The following PFN1 variants were observed in gnomAD, a reference collection of about 807,000 sequenced individuals.
PFN1 encodes profilin-1.
PFN1 carries 2 observed loss-of-function variants against 11.7 expected under a neutral mutation model. The observed-to-expected ratio is 0.17, with a 90% CI of 0.07 to 0.54. The LOEUF is 0.54. Among genes scored for constraint, PFN1 ranks in the 20% least tolerant of loss-of-function variants. The probability of loss-of-function intolerance (pLI) is 0.94; values close to 1 mark genes in which losing one functional copy is unlikely to be tolerated. For synonymous variants in PFN1, 78 were observed against 76.2 expected, an observed-to-expected ratio of 1.02 and a Z score of -0.12; for missense variants, 97 against 188.4, an observed-to-expected ratio of 0.51 and a Z score of 2.84.
Position 4,945,652 on chromosome 17 carries a change from T to C in PFN1, c.*248A>G. ...ACCCAAGCTCAAATCACACAGCACC[T>C]TGTTAGTAGAATCTTTTTTATTCAG... is the stretch of plus-strand genomic sequence containing the variant. On this transcript the variant is annotated 3_prime_UTR_variant, in exon 3 of 3. Transcript: ENST00000225655. 2.5e-6 allele frequency: 1 copy of C among 392,966 alleles called. No homozygotes were observed. The highest frequency in any genetic ancestry group is 4.7e-6 in the Non-Finnish European group (1 of 214,772). 24.3% of individuals were successfully genotyped at this position (392,966 alleles called of 1,614,324 possible).
intron 2 of PFN1, 90 bp downstream of exon 2, chr17:4,946,538 G>A (rs1203864540): frequency 1.0e-6 from 1 of 984,538 alleles, no homozygotes; most frequent in African/African-American, 1.6e-5. Context: ...TCATGTTGGG[G>A]AATCACACAA....
chr17:4,947,846 A>G (rs1370813384), intron 1 of PFN1, among the ~76,000 whole-genome samples: 1 of 152,092 alleles, frequency 6.6e-6, no homozygotes, highest in Non-Finnish European at 1.5e-5. Context: ...AGGAGAAACA[A>G]TGGTAGAGGG....
chr17:4,946,226 G>C (rs78068573), intron 2 of PFN1, among the ~76,000 whole-genome samples: 1 of 151,932 alleles, frequency 6.6e-6, no homozygotes, highest in African/African-American at 2.4e-5. Flanking sequence ...AAAAACTTAG[G>C]GGTCAAAGGC....
rs565692021 is a variant in PFN1, at chr17:4,945,849, G to C, written c.*51C>G. On this transcript the variant is annotated 3_prime_UTR_variant, in exon 3 of 3. Transcript: ENST00000225655. Reference sequence around the variant, plus strand: ...AAATGGTTTGTGTGTGTATGGGGAGGAAAGGGGTGCAAAGCTGTGGGGAGC... The same window carrying C: ...AAATGGTTTGTGTGTGTATGGGGAGCAAAGGGGTGCAAAGCTGTGGGGAGC... 2.5e-6 allele frequency: 3 copies of C among 1,190,156 alleles called. No homozygotes were observed. In the South Asian group the frequency reaches 3.6e-5, roughly 14 times the overall value. The allele number at this position is 1,190,156 out of a possible 1,614,324, so 73.7% of individuals were successfully genotyped here. A position where few individuals can be genotyped will look rare whatever the true frequency, so the allele number is the denominator to read the frequency against.
intron 2 of PFN1, among the ~76,000 whole-genome samples, chr17:4,946,246 G>A (rs1971389807): frequency 6.6e-6 from 1 of 152,138 alleles, no homozygotes; most frequent in East Asian, 1.9e-4. Context: ...CTCATAGACT[G>A]TTGATTCATG....
intron 1 of PFN1, among the ~76,000 whole-genome samples, chr17:4,947,667 A>AGGGCGAG (rs1406252909): frequency 6.6e-6 from 1 of 152,106 alleles, no homozygotes; most frequent in African/African-American, 2.4e-5. Flanking sequence ...GCGGGAAGGG[A>AGGGCGAG]GGGCGAGGGG....
At position 4,948,403 on chromosome 17, in the gene PFN1, T is replaced by C. The variant is rs1328730796; in HGVS notation, c.-9A>G. 2 of 1,597,904 alleles carry C rather than the reference T, an allele frequency of 1.3e-6. No homozygotes were observed. Among genetic ancestry groups the C allele is most frequent in the African/African-American group, 2.7e-5 (2 of 73,190 alleles). On this transcript the variant is annotated 5_prime_UTR_variant, in exon 1 of 3. Coordinates refer to ENST00000225655, the MANE Select transcript of PFN1 (RefSeq NM_005022.4). ...GCGTTCCACCCGGCCATGGCGCTGCTACTGGGGCTGCTCTCGGCGCTGCTG... is the reference window on the plus strand; with the variant it reads ...GCGTTCCACCCGGCCATGGCGCTGCCACTGGGGCTGCTCTCGGCGCTGCTG...
At position 4,945,698 on chromosome 17, in the gene PFN1, CAA is replaced by C. The variant is rs992891665; in HGVS notation, c.*200_*201del. 13 of 461,138 alleles carry C rather than the reference CAA, an allele frequency of 2.8e-5. No homozygotes were observed. The highest frequency in any genetic ancestry group is 1.2e-4 in the South Asian group (3 of 24,720). The allele number at this position is 461,138 out of a possible 1,614,324, so 28.6% of individuals were successfully genotyped here. ...TTCAGAAAAAAAAAACCCCAAAAAA[CAA>C]AAGTTTTCCAACCACACACGGGAGG... On this transcript the variant is annotated 3_prime_UTR_variant, in exon 3 of 3. Transcript: ENST00000225655.
At chr17:4,948,225 C>G (rs768871076) in intron 1 of PFN1, 38 bp downstream of exon 1, 2 of 1,412,486 alleles carry the variant, frequency 1.4e-6, no homozygotes, top group Non-Finnish European at 9.7e-7. Context: ...AGGGTCCAAA[C>G]CGGAGCAGTG....
chr17:4,948,522 G>C lies in PFN1; in HGVS notation c.-128C>G. On this transcript the variant is annotated 5_prime_UTR_variant, in exon 1 of 3. Coordinates refer to ENST00000225655, the MANE Select transcript of PFN1 (RefSeq NM_005022.4). ...GCGCTGCCGTCCGGACCGCGGCTCC[G>C]CTCGCTGTGCAGCAGCCCTCGCACC... is the stretch of plus-strand genomic sequence containing the variant. 1 of 1,058,700 alleles carries C rather than the reference G, an allele frequency of 9.4e-7. No homozygotes were observed. The highest frequency in any genetic ancestry group is 1.3e-6 in the Non-Finnish European group (1 of 783,980). The allele number at this position is 1,058,700 out of a possible 1,614,324, so 65.6% of individuals were successfully genotyped here.
Position 4,946,812 on chromosome 17 carries a change from C to T in PFN1, c.141G>A (p.Glu47=). The T allele has an allele frequency of 6.2e-7, 1 of 1,611,680 alleles. No homozygotes were observed. Among genetic ancestry groups the T allele is most frequent in the East Asian group, 2.2e-5 (1 of 44,876 alleles). ...GKTFVNITPA[E]VGVLVGKDRS... is the part of the protein sequence containing the mutation. ...GGTCTTTGCCAACCAGGACACCCAC[C>T]TCAGCTGGCTGGAAGAGGAACCAAG... Residue 47 remains glutamate (E), a synonymous_variant, in exon 2 of 3, where the codon GAG becomes GAA. Transcript: ENST00000225655.
rs1375646988 is a variant in PFN1 at position 4,948,505 on chromosome 17, G to C, written c.-111C>G. The C allele has an allele frequency of 8.1e-7, 1 of 1,241,272 alleles. No homozygotes were observed. Among genetic ancestry groups the C allele is most frequent in the East Asian group, 3.1e-5 (1 of 32,756 alleles). The allele number at this position is 1,241,272 out of a possible 1,614,324, so 76.9% of individuals were successfully genotyped here. On this transcript the variant is annotated 5_prime_UTR_variant, in exon 1 of 3. Transcript: ENST00000225655. The stretch of plus-strand genomic sequence containing the variant: ...CGGAGAGCTCGGGGCACGCGCTGCC[G>C]TCCGGACCGCGGCTCCGCTCGCTGT...
chr17:4,947,413 C>A (rs1159246598), intron 1 of PFN1: 8 of 152,060 alleles, frequency 5.3e-5, no homozygotes, highest in Admixed American at 5.2e-4. Flanking sequence ...CAGGCCAGCT[C>A]TCGGGTCTAG....
At chr17:4,948,089 C>T in intron 1 of PFN1, 174 bp downstream of exon 1, 1 of 669,118 alleles carries the variant, frequency 1.5e-6, no homozygotes, top group African/African-American at 1.9e-5. Flanking sequence ...GGCATAGGAC[C>T]TACGGGCAAC....
intron 1 of PFN1, chr17:4,947,340 G>C (rs903806484): frequency 1.3e-5 from 2 of 152,262 alleles, no homozygotes; most frequent in African/African-American, 4.8e-5. Context: ...TGAGGAAGCA[G>C]ACCCCTGGGG....
At chr17:4,948,022 A>C in intron 1 of PFN1, 9 of 405,436 alleles carry the variant, frequency 2.2e-5, no homozygotes, top group East Asian at 1.3e-4. Flanking sequence ...TGTGCCCCGG[A>C]TGTAACGCCC....
rs775818152 is a variant in PFN1 at position 4,945,677 on chromosome 17, G to GA, written c.*222dup. Reference sequence around the variant, plus strand: ...TTGTTAGTAGAATCTTTTTTATTCAGAAAAAAAAAACCCCAAAAAACAAAA... The same window carrying GA: ...TTGTTAGTAGAATCTTTTTTATTCAGAAAAAAAAAAACCCCAAAAAACAAAA... On this transcript the variant is annotated 3_prime_UTR_variant, in exon 3 of 3. Coordinates refer to ENST00000225655, the MANE Select transcript of PFN1 (RefSeq NM_005022.4). 18,693 of 398,676 alleles carry GA rather than the reference G, an allele frequency of 0.047. 2 individuals carry two copies. Among genetic ancestry groups the GA allele is most frequent in the South Asian group, 0.06 (1,514 of 25,142 alleles). The allele number at this position is 398,676 out of a possible 1,614,324, so 24.7% of individuals were successfully genotyped here. A position where few individuals can be genotyped will look rare whatever the true frequency, so the allele number is the denominator to read the frequency against.
rs750830676 is a variant in PFN1 at position 4,945,875 on chromosome 17, G to A, written c.*25C>T. The A allele has an allele frequency of 2.7e-5, 38 of 1,405,138 alleles. No individual in the cohort carries two copies. The highest frequency in any genetic ancestry group is 1.4e-4 in the African/African-American group (10 of 70,814). 87.0% of individuals were successfully genotyped at this position (1,405,138 alleles called of 1,614,324 possible). On this transcript the variant is annotated 3_prime_UTR_variant, in exon 3 of 3. Transcript: ENST00000225655. ...AAAGGGGTGCAAAGCTGTGGGGAGC[G>A]GTGAAGGGGAAGGGACAGACGAGGT...
In PFN1 at chr17:4,948,496, C is replaced by T. The variant is rs1329385987; in HGVS notation, c.-102G>A. ...GGGGGGAGGCGGAGAGCTCGGGGCA[C>T]GCGCTGCCGTCCGGACCGCGGCTCC... On this transcript the variant is annotated 5_prime_UTR_variant, in exon 1 of 3. In the 5' UTR this introduces an upstream ATG that the reference lacks. Transcript: ENST00000225655. 3.0e-6 allele frequency: 4 copies of T among 1,323,412 alleles called. No individual in the cohort carries two copies. The highest frequency in any genetic ancestry group is 3.4e-5 in the Admixed American group (1 of 29,148). The allele number at this position is 1,323,412 out of a possible 1,614,324, so 82.0% of individuals were successfully genotyped here.
Sources: allele counts gnomAD v4.1 joint callset (sites outside exome capture counted in the v4.1 genomes callset), GRCh38; gene constraint gnomAD v4.1.1; transcripts MANE v1.5; gene names NCBI Gene and HGNC (gene_info 2026-07-23, HGNC 2026-07-21).